PTPRN2: variants seen among roughly 807,000 people sequenced by gnomAD.
PTPRN2 encodes receptor-type tyrosine-protein phosphatase N2.
A neutral mutation model predicts 118.8 loss-of-function variants in PTPRN2; 74 were observed. That is an observed-to-expected ratio of 0.62 (90% CI 0.52 to 0.76). PTPRN2 has a LOEUF of 0.76. PTPRN2 is among the 30% of genes least tolerant of loss of function. PTPRN2 has a pLI of 0.00. For missense variants in PTPRN2, 1,481 were observed against 1,394.4 expected, an observed-to-expected ratio of 1.06 and a Z score of -0.99; for synonymous variants, 641 against 608.0, an observed-to-expected ratio of 1.05 and a Z score of -0.80.
At chr7:158,583,514 G>A (rs959606838) in intron 1 of PTPRN2, among the ~76,000 whole-genome samples, 2 of 151,804 alleles carry the variant, frequency 1.3e-5, no homozygotes, top group Non-Finnish European at 2.9e-5. Context: ...TGATCACCAG[G>A]TACAAAAACA....
At chr7:158,581,992 C>T (rs535315652) in intron 1 of PTPRN2, among the ~76,000 whole-genome samples, 1 of 152,290 alleles carries the variant, frequency 6.6e-6, no homozygotes, top group African/African-American at 2.4e-5. Flanking sequence ...ACTTCCTGTT[C>T]TAGGTATTTA....
chr7:157,644,629 C>G (rs1804914358), intron 14 of PTPRN2, among the ~76,000 whole-genome samples: 1 of 152,258 alleles, frequency 6.6e-6, no homozygotes, highest in Middle Eastern at 3.4e-3. Context: ...AACCCCGACT[C>G]TACTAAAAAT....
At chr7:158,567,766 C>T (rs926952157) in intron 1 of PTPRN2, among the ~76,000 whole-genome samples, 5 of 152,040 alleles carry the variant, frequency 3.3e-5, no homozygotes, top group Admixed American at 6.5e-5. Flanking sequence ...GGGGCTGCAC[C>T]CCCCCACACC....
chr7:158,047,553 G>A (rs1808975278), intron 11 of PTPRN2, among the ~76,000 whole-genome samples: 1 of 151,898 alleles, frequency 6.6e-6, no homozygotes, highest in Non-Finnish European at 1.5e-5. Flanking sequence ...GCTACCTGCA[G>A]TCACTGAGTG....
intron 1 of PTPRN2, among the ~76,000 whole-genome samples, chr7:158,556,096 T>C (rs572903272): frequency 2.6e-5 from 4 of 152,276 alleles, no homozygotes; most frequent in South Asian, 2.1e-4. Context: ...CTGATAGACA[T>C]TGTTAGATGT....
At position 157,679,408 on chromosome 7, in the gene PTPRN2, TG is replaced by T. The variant is rs569452364; in HGVS notation, c.2001+3316del. Reference sequence around the variant, plus strand: ...GGATTATCTGATGGGGTTGATATCCTGGTAAGTGTCAAAAATATGAGAGTCT... The same window carrying T: ...GGATTATCTGATGGGGTTGATATCCTGTAAGTGTCAAAAATATGAGAGTCT... On this transcript the variant is annotated intron_variant, in intron 13 of 22. Transcript: ENST00000389418. Among the ~76,000 whole-genome samples the T allele has an allele frequency of 3.3e-3, 503 of 152,330 alleles. 4 individuals are homozygous for T. Among genetic ancestry groups the T allele is most frequent in the African/African-American group, 0.012 (484 of 41,576 alleles).
At chr7:157,555,561 C>T (rs1227663992) in intron 21 of PTPRN2, among the ~76,000 whole-genome samples, 1 of 152,204 alleles carries the variant, frequency 6.6e-6, no homozygotes, top group South Asian at 2.1e-4. Context: ...CCATCGTCGC[C>T]GTCTCCTGAC....
At chr7:158,203,917 G>A (rs886522416) in intron 4 of PTPRN2, among the ~76,000 whole-genome samples, 4 of 152,258 alleles carry the variant, frequency 2.6e-5, no homozygotes, top group Non-Finnish European at 5.9e-5. Context: ...ACCAGGCACA[G>A]AAGCACAAAG....
rs113152022 is a variant in PTPRN2 at position 158,128,946 on chromosome 7, AAC to A, written c.1556+4729_1556+4730del. On this transcript the variant is annotated intron_variant, in intron 9 of 22. Transcript: ENST00000389418. ...CAGAGTGAGGAGACACAGGCAACCA[AAC>A]ACACACACACACACACAACATACCC... 3.4e-3 allele frequency among the ~76,000 whole-genome samples: 503 copies of A among 149,614 alleles called. 2 individuals carry two copies. Among genetic ancestry groups the A allele is most frequent in the African/African-American group, 6.3e-3 (256 of 40,648 alleles).
At position 158,047,847 on chromosome 7, in the gene PTPRN2, C is replaced by T. The variant is rs145534142; in HGVS notation, c.1723+33451G>A. 5.3e-5 allele frequency among the ~76,000 whole-genome samples: 8 copies of T among 152,278 alleles called. No homozygotes were observed. The East Asian group carries it at 1.2e-3, about 22-fold the overall frequency. On this transcript the variant is annotated intron_variant, in intron 11 of 22. Coordinates refer to ENST00000389418, the MANE Select transcript of PTPRN2 (RefSeq NM_002847.5). ...TTTTCTCAGTGCAAAATGGGCAAGC[C>T]GGGAGCTCTCAAGTGAGTCAGCAAC... is the stretch of plus-strand genomic sequence containing the variant.
chr7:157,801,261 C>T lies in PTPRN2; in HGVS notation c.1788+97412G>A, dbSNP rs1484712301. Reference sequence around the variant, plus strand: ...GACGCTGAAAGTATCAGGCCTTCCGCTTAGCGCTGCCTTCGAGATCAGTCT... The same window carrying T: ...GACGCTGAAAGTATCAGGCCTTCCGTTTAGCGCTGCCTTCGAGATCAGTCT... On this transcript the variant is annotated intron_variant, in intron 12 of 22. Transcript: ENST00000389418. This position sits in a 1 kb window ranked among gnomAD's most constrained non-coding sequence, Gnocchi z 4.2. Among the ~76,000 whole-genome samples the T allele has an allele frequency of 6.6e-6, 1 of 152,136 alleles. No individual in the cohort carries two copies. The highest frequency in any genetic ancestry group is 1.5e-5 in the Non-Finnish European group (1 of 68,042).
At position 158,546,470 on chromosome 7, in the gene PTPRN2, C is replaced by T. The variant is rs1826288164; in HGVS notation, c.112+41088G>A. ...CGGGTTAAGGGGCTCATGGCGGAGG[C>T]AAGCCCCAGTGTCCCAGGCGCCATG... On this transcript the variant is annotated intron_variant, in intron 1 of 22. Transcript: ENST00000389418. This position sits in a 1 kb window ranked among gnomAD's most constrained non-coding sequence, Gnocchi z 5.0. Among the ~76,000 whole-genome samples, 1 of 152,208 alleles carries T rather than the reference C, an allele frequency of 6.6e-6. No individual in the cohort carries two copies. Among genetic ancestry groups the T allele is most frequent in the Non-Finnish European group, 1.5e-5 (1 of 68,036 alleles).
rs376982294 is a variant in PTPRN2, at chr7:158,074,231, G to A, written c.1723+7067C>T. Among the ~76,000 whole-genome samples the A allele has an allele frequency of 3.2e-4, 49 of 152,242 alleles. 1 individual carries two copies. In the East Asian group the frequency reaches 7.3e-3, roughly 23 times the overall value. ...CCTTCTGCTGGATTTCACCTGCCCC[G>A]GCAGCCGACTGCACCAGCATCACAG... is the stretch of plus-strand genomic sequence containing the variant. On this transcript the variant is annotated intron_variant, in intron 11 of 22. Coordinates refer to ENST00000389418, the MANE Select transcript of PTPRN2 (RefSeq NM_002847.5).
At position 157,682,911 on chromosome 7, in the gene PTPRN2, A is replaced by C; in HGVS notation, c.1815T>G (p.Pro605=). 6.2e-7 allele frequency: 1 copy of C among 1,613,742 alleles called. No individual in the cohort carries two copies. The highest frequency in any genetic ancestry group is 8.5e-7 in the Non-Finnish European group (1 of 1,179,780). The change falls in exon 13 of 23, where the codon CCT becomes CCG. Residue 605 remains proline (P), a synonymous_variant. Coordinates refer to ENST00000389418, the MANE Select transcript of PTPRN2 (RefSeq NM_002847.5). The part of the protein sequence containing the change: ...GSKSKLKFLP[P]QAEQEDSTKF... ...TGGTGGAGTCTTCTTGCTCCGCCTG[A>C]GGAGGCAGGAACTTGAGTTTGCTTT...
chr7:157,558,092 G>A (rs989156723), intron 21 of PTPRN2, among the ~76,000 whole-genome samples: 1 of 145,016 alleles, frequency 6.9e-6, no homozygotes. Context: ...AATTCAAGGG[G>A]GGATTGTTAA....
chr7:158,413,966 C>T (rs1814413944), intron 2 of PTPRN2, among the ~76,000 whole-genome samples: 1 of 151,582 alleles, frequency 6.6e-6, no homozygotes, highest in Admixed American at 6.6e-5. Flanking sequence ...ATGGAGAAAC[C>T]GTGTCTCTAC....
In PTPRN2 at chr7:157,550,540, G is replaced by A. The variant is rs893370292; in HGVS notation, c.2903-1521C>T. ...CCCACCTGCCCTGCCTGGCTGGTGG[G>A]TCTCCCCACCTTTGAGCACAGAAGA... On this transcript the variant is annotated intron_variant, in intron 21 of 22. Coordinates refer to ENST00000389418, the MANE Select transcript of PTPRN2 (RefSeq NM_002847.5). The surrounding 1 kb of genome is among the most constrained non-coding windows in gnomAD (Gnocchi z 5.2). Among the ~76,000 whole-genome samples the A allele has an allele frequency of 6.6e-6, 1 of 152,226 alleles. No homozygotes were observed. Among genetic ancestry groups the A allele is most frequent in the Non-Finnish European group, 1.5e-5 (1 of 68,028 alleles).
intron 3 of PTPRN2, among the ~76,000 whole-genome samples, chr7:158,252,481 C>T (rs1030671961): frequency 2.0e-5 from 3 of 152,146 alleles, no homozygotes; most frequent in East Asian, 1.9e-4. Flanking sequence ...GCACTCCAGG[C>T]GGACCTGATA....
chr7:157,899,961 C>T (rs909178767), intron 11 of PTPRN2, among the ~76,000 whole-genome samples: 4 of 152,136 alleles, frequency 2.6e-5, no homozygotes, highest in Non-Finnish European at 2.9e-5. Context: ...TGTCCTCCCG[C>T]AAACAGAGGA....
Sources: allele counts gnomAD v4.1 joint callset (sites outside exome capture counted in the v4.1 genomes callset), GRCh38; gene constraint gnomAD v4.1.1; non-coding constraint Gnocchi (gnomAD v3.1); transcripts MANE v1.5; gene names NCBI Gene and HGNC (gene_info 2026-07-23, HGNC 2026-07-21).